Variants in NCKAP5 observed in about 807,000 individuals in gnomAD.
NCKAP5 encodes NCK associated protein 5, also known as nck-associated protein 5.
A neutral mutation model predicts 167.0 loss-of-function variants in NCKAP5; 92 were observed. The ratio of observed to expected loss-of-function variants is 0.55; its 90% CI spans 0.47 to 0.66. The LOEUF is 0.66. Ranked by LOEUF, NCKAP5 falls within the 30% of genes least tolerant of loss-of-function variation. The pLI is 0.00. For synonymous variants in NCKAP5, 891 were observed against 877.4 expected (o/e 1.02, Z -0.27); for missense variants, 2,378 against 2,315.0 (o/e 1.03, Z -0.56).
intron 8 of NCKAP5, among the ~76,000 whole-genome samples, chr2:132,886,658 C>A (rs1262747195): frequency 6.6e-6 from 1 of 152,158 alleles, no homozygotes; most frequent in East Asian, 1.9e-4. Context: ...TGTAGAATGT[C>A]CTTCAATTTG....
chr2:133,041,118 C>T (rs2079206056), intron 6 of NCKAP5, among the ~76,000 whole-genome samples: 1 of 152,114 alleles, frequency 6.6e-6, no homozygotes, highest in Admixed American at 6.6e-5. Flanking sequence ...ATTTAATGGA[C>T]TACAAATGTG....
rs189239995 is a variant in NCKAP5, at chr2:133,273,042, G to T, written c.143+29995C>A. 9.6e-4 allele frequency among the ~76,000 whole-genome samples: 146 copies of T among 152,218 alleles called. 1 individual carries two copies. Among genetic ancestry groups the T allele is most frequent in the Non-Finnish European group, 1.0e-3 (70 of 67,996 alleles). ...TGTACAAGTTTTTGTGTGGGCATATGTATTCATTTCTTCTAGGTATATACC... is the reference window on the plus strand; with the variant it reads ...TGTACAAGTTTTTGTGTGGGCATATTTATTCATTTCTTCTAGGTATATACC... On this transcript the variant is annotated intron_variant, in intron 4 of 19. Transcript: ENST00000409261.
intron 6 of NCKAP5, among the ~76,000 whole-genome samples, chr2:133,035,049 T>C (rs886973398): frequency 2.0e-5 from 3 of 151,882 alleles, no homozygotes; most frequent in Non-Finnish European, 4.4e-5. Flanking sequence ...ACACATGGAC[T>C]GAAAATAAGG....
intron 11 of NCKAP5, among the ~76,000 whole-genome samples, chr2:132,860,249 A>T (rs1689788916): frequency 1.3e-5 from 2 of 152,234 alleles, no homozygotes; most frequent in Admixed American, 1.3e-4. Context: ...ACTACAGAAC[A>T]TCTTCTGATT....
intron 3 of NCKAP5, among the ~76,000 whole-genome samples, chr2:133,499,537 AG>A (rs1442803137): frequency 7.8e-6 from 1 of 128,660 alleles, no homozygotes; most frequent in Non-Finnish European, 1.6e-5. Flanking sequence ...GTGACATAAA[AG>A]TCTAAGTGTT....
intron 8 of NCKAP5, among the ~76,000 whole-genome samples, chr2:132,904,326 ATAAT>A (rs896850093): frequency 6.0e-5 from 9 of 149,980 alleles, no homozygotes; most frequent in Middle Eastern, 3.6e-3. Flanking sequence ...ATAAATAAAA[ATAAT>A]TAAATAAAAA....
chr2:133,421,747 GCT>G (rs1462541844), intron 3 of NCKAP5, among the ~76,000 whole-genome samples: 1 of 152,194 alleles, frequency 6.6e-6, no homozygotes, highest in African/African-American at 2.4e-5. Flanking sequence ...TCCAGCCTCA[GCT>G]CTCTGATCTG....
intron 6 of NCKAP5, among the ~76,000 whole-genome samples, chr2:133,008,984 T>C (rs1480076438): frequency 4.6e-5 from 7 of 152,194 alleles, no homozygotes; most frequent in Non-Finnish European, 1.0e-4. Context: ...AGGTTCCAGC[T>C]TAAGTCCCAT....
At chr2:132,736,365 G>T (rs1267449865) in intron 16 of NCKAP5, among the ~76,000 whole-genome samples, 1 of 151,984 alleles carries the variant, frequency 6.6e-6, no homozygotes, top group Non-Finnish European at 1.5e-5. Flanking sequence ...TCTGAAGCCA[G>T]TTTTTTTTCT....
intron 3 of NCKAP5, among the ~76,000 whole-genome samples, chr2:133,369,149 T>A (rs1450082048): frequency 6.6e-6 from 1 of 152,190 alleles, no homozygotes; most frequent in African/African-American, 2.4e-5. Context: ...ATAGGAGCCA[T>A]GGACAGCTTT....
At chr2:133,029,218 ATT>A (rs1165663159) in intron 6 of NCKAP5, among the ~76,000 whole-genome samples, 2 of 152,216 alleles carry the variant, frequency 1.3e-5, no homozygotes, top group Non-Finnish European at 2.9e-5. Context: ...GGCAGTTGTA[ATT>A]TTTACTACAG....
At chr2:132,949,328 G>A (rs1020340455) in intron 8 of NCKAP5, among the ~76,000 whole-genome samples, 7 of 152,146 alleles carry the variant, frequency 4.6e-5, no homozygotes, top group South Asian at 2.1e-4. Flanking sequence ...CAACTCACTC[G>A]TGAGCAAATT....
chr2:132,744,428 G>A (rs1301159982), intron 16 of NCKAP5, among the ~76,000 whole-genome samples: 1 of 151,556 alleles, frequency 6.6e-6, no homozygotes, highest in Non-Finnish European at 1.5e-5. Flanking sequence ...TAAATTTCCT[G>A]TGTATTAAAT....
chr2:133,312,293 T>C (rs902404006), intron 3 of NCKAP5, among the ~76,000 whole-genome samples: 2 of 152,226 alleles, frequency 1.3e-5, no homozygotes, highest in Admixed American at 6.5e-5. Context: ...GATCAGACTA[T>C]GAGTACAGCT....
intron 4 of NCKAP5, among the ~76,000 whole-genome samples, chr2:133,237,122 G>T (rs966126432): frequency 3.3e-5 from 5 of 151,630 alleles, no homozygotes; most frequent in African/African-American, 9.7e-5. Flanking sequence ...GCTCCTATTG[G>T]CTGAATCTAG....
intron 6 of NCKAP5, among the ~76,000 whole-genome samples, chr2:133,092,198 G>A (rs148771530): frequency 2.8e-3 from 420 of 152,214 alleles, no homozygotes; most frequent in Non-Finnish European, 3.5e-3. Context: ...AGGTCATATC[G>A]GACCTGAAAT....
intron 19 of NCKAP5, among the ~76,000 whole-genome samples, chr2:132,706,696 C>T (rs1010241089): frequency 6.6e-6 from 1 of 151,970 alleles, no homozygotes; most frequent in African/African-American, 2.4e-5. Flanking sequence ...TGCCAGGCTC[C>T]TTTCTATGTA....
chr2:133,603,467 C>T, the NCKAP5 span, among the ~76,000 whole-genome samples: 2 of 152,156 alleles, frequency 1.3e-5, no homozygotes, highest in Admixed American at 6.5e-5. Flanking sequence ...TCAGTTGATC[C>T]GCCTATCTCA....
intron 6 of NCKAP5, chr2:133,123,246 CTTTCAGTAAGTTAGTA>C (rs1559161861): frequency 6.6e-6 from 1 of 152,324 alleles, no homozygotes. Context: ...TAATGTTCAG[CTTTCAGTAAGTTAGTA>C]TTTGCCCAAG....
Sources: allele counts gnomAD v4.1 joint callset (sites outside exome capture counted in the v4.1 genomes callset), GRCh38; gene constraint gnomAD v4.1.1; transcripts MANE v1.5; gene names NCBI Gene and HGNC (gene_info 2026-07-23, HGNC 2026-07-21).